Variants in JADE1 observed in about 807,000 individuals in gnomAD.
The protein encoded by JADE1 is jade family PHD finger 1.
In JADE1, 14 loss-of-function variants were observed where a neutral mutation model predicts 81.8. That is an observed-to-expected ratio of 0.17 (90% CI 0.11 to 0.27). The LOEUF (loss-of-function observed/expected upper bound fraction) is 0.27. JADE1 is among the 10% of genes least tolerant of loss of function. The pLI, the probability that JADE1 is intolerant of heterozygous loss-of-function variation, is 1.00. For synonymous variants in JADE1, 353 were observed against 391.9 expected, an observed-to-expected ratio of 0.90 and a Z score of 1.17; for missense variants, 690 against 1,047.9, an observed-to-expected ratio of 0.66 and a Z score of 4.71.
At position 128,818,362 on chromosome 4, in the gene JADE1, G is replaced by A. The variant is rs548552472; in HGVS notation, c.-27+8485G>A. Among the ~76,000 whole-genome samples, 21 of 152,080 alleles carry A rather than the reference G, an allele frequency of 1.4e-4. No homozygotes were observed. In the South Asian group the frequency reaches 4.4e-3, roughly 32 times the overall value. ...TCTCGAACTCTTGACCTCAGGTGATGCACCCGCCTCAGCCTCCCCAAGTGG... is the reference window on the plus strand; with the variant it reads ...TCTCGAACTCTTGACCTCAGGTGATACACCCGCCTCAGCCTCCCCAAGTGG... On this transcript the variant is annotated intron_variant, in intron 1 of 10. Transcript: ENST00000226319.
intron 1 of JADE1, among the ~76,000 whole-genome samples, chr4:128,828,685 C>G (rs570161654): frequency 6.6e-6 from 1 of 152,250 alleles, no homozygotes; most frequent in South Asian, 2.1e-4. Context: ...TGTATTTTGG[C>G]CAATGCTTGC....
At chr4:128,818,987 G>A (rs1056658908) in intron 1 of JADE1, among the ~76,000 whole-genome samples, 1 of 151,914 alleles carries the variant, frequency 6.6e-6, no homozygotes, top group Non-Finnish European at 1.5e-5. Flanking sequence ...CCCACACCAG[G>A]CCTGGCTAGT....
chr4:128,859,060 A>G (rs1458541029), intron 8 of JADE1, among the ~76,000 whole-genome samples: 1 of 152,108 alleles, frequency 6.6e-6, no homozygotes, highest in African/African-American at 2.4e-5. Context: ...AATAGTGGAG[A>G]TATTTTTGGC....
intron 3 of JADE1, among the ~76,000 whole-genome samples, chr4:128,844,936 C>G (rs148232891): frequency 6.6e-6 from 1 of 152,122 alleles, no homozygotes; most frequent in African/African-American, 2.4e-5. Context: ...CAAATATGGA[C>G]CTATTAGCAG....
At chr4:128,852,419 C>T (rs1169686556) in intron 6 of JADE1, 151 bp downstream of exon 6, 8 of 635,352 alleles carry the variant, frequency 1.3e-5, no homozygotes, top group Admixed American at 5.8e-5. Flanking sequence ...TTATTTTTCC[C>T]TAGTAGGTTC....
Position 128,872,567 on chromosome 4 carries a change from C to T in JADE1, c.*305C>T. The T allele has an allele frequency of 3.3e-6, 1 of 306,380 alleles. No individual in the cohort carries two copies. The allele number at this position is 306,380 out of a possible 1,614,324, so 19.0% of individuals were successfully genotyped here. On this transcript the variant is annotated 3_prime_UTR_variant, in exon 11 of 11. Transcript: ENST00000226319. ...TAAAGAAGGCAAGGCTTAAATAAGCCTCATGAATTTTTATAGCCCTCTGCA... is the reference window on the plus strand; with the variant it reads ...TAAAGAAGGCAAGGCTTAAATAAGCTTCATGAATTTTTATAGCCCTCTGCA...
At chr4:128,816,111 T>C (rs1322864515) in intron 1 of JADE1, among the ~76,000 whole-genome samples, 2 of 152,190 alleles carry the variant, frequency 1.3e-5, no homozygotes, top group African/African-American at 4.8e-5. Flanking sequence ...TTTTAATTCC[T>C]GAGACAGGTA....
intron 9 of JADE1, chr4:128,864,409 GTGTTGGGATTACGCCACTGTACCCA>G (rs1291526829): frequency 1.0e-6 from 1 of 977,156 alleles, no homozygotes; most frequent in East Asian, 1.1e-4. Flanking sequence ...GCCTCCCAGA[GTGTTGGGATTACGCCACTGTACCCA>G]GCCTTAGACT....
intron 1 of JADE1, among the ~76,000 whole-genome samples, chr4:128,827,539 G>C (rs1346930494): frequency 6.6e-6 from 1 of 152,184 alleles, no homozygotes; most frequent in Non-Finnish European, 1.5e-5. Context: ...GGGCTTGCTA[G>C]AACAGATGCC....
chr4:128,839,099 A>G (rs1402484589), intron 2 of JADE1, among the ~76,000 whole-genome samples: 1 of 152,232 alleles, frequency 6.6e-6, no homozygotes, highest in Non-Finnish European at 1.5e-5. Context: ...AAAAAAAATT[A>G]TCTACTTTTC....
chr4:128,862,437 G>GT, intron 9 of JADE1: 14 of 1,365,986 alleles, frequency 1.0e-5, no homozygotes, highest in South Asian at 5.7e-5. Flanking sequence ...GCTTCTTTGT[G>GT]GTTTTTTTTT....
At chr4:128,826,723 T>A (rs1728111537) in intron 1 of JADE1, among the ~76,000 whole-genome samples, 1 of 152,166 alleles carries the variant, frequency 6.6e-6, no homozygotes, top group South Asian at 2.1e-4. Flanking sequence ...TATTTCATAT[T>A]TGACTTGAGA....
chr4:128,822,864 A>G (rs1727711639), intron 1 of JADE1, among the ~76,000 whole-genome samples: 1 of 152,232 alleles, frequency 6.6e-6, no homozygotes, highest in Non-Finnish European at 1.5e-5. Context: ...TGTTCTATGA[A>G]TATACAAGCA....
intron 1 of JADE1, among the ~76,000 whole-genome samples, chr4:128,811,570 C>T (rs1283047994): frequency 1.5e-5 from 2 of 133,384 alleles, no homozygotes; most frequent in African/African-American, 2.8e-5. Flanking sequence ...GGGCGGCGGC[C>T]GAGGCGCTGC....
chr4:128,834,570 T>C (rs1354833511), intron 2 of JADE1, among the ~76,000 whole-genome samples: 1 of 147,724 alleles, frequency 6.8e-6, no homozygotes, highest in Non-Finnish European at 1.5e-5. Context: ...GTCTTTGCTC[T>C]GTCGCCCAGG....
intron 1 of JADE1, among the ~76,000 whole-genome samples, chr4:128,826,528 TTG>T (rs1236386625): frequency 1.3e-5 from 2 of 151,632 alleles, no homozygotes; most frequent in Admixed American, 6.6e-5. Context: ...TGGCTAATTT[TTG>T]TGTTTTTTTT....
In JADE1 at chr4:128,872,856, T is replaced by C. The variant is rs1270030437; in HGVS notation, c.*594T>C. The stretch of plus-strand genomic sequence containing the variant: ...AAGAGAATTTTAAAAAAGGTCATTA[T>C]TGAAGAAGCTGAGGGGACAGGGTAG... On this transcript the variant is annotated 3_prime_UTR_variant, in exon 11 of 11. Coordinates refer to ENST00000226319, the MANE Select transcript of JADE1 (RefSeq NM_199320.4). 2.2e-6 allele frequency: 1 copy of C among 452,136 alleles called. No individual in the cohort carries two copies. Among genetic ancestry groups the C allele is most frequent in the Admixed American group, 2.4e-5 (1 of 42,136 alleles). 28.0% of individuals were successfully genotyped at this position (452,136 alleles called of 1,614,324 possible).
At position 128,846,159 on chromosome 4, in the gene JADE1, G is replaced by A. The variant is rs1729859805; in HGVS notation, c.139-216G>A. Among the ~76,000 whole-genome samples, 2 of 152,060 alleles carry A rather than the reference G, an allele frequency of 1.3e-5. No individual in the cohort carries two copies. Among genetic ancestry groups the A allele is most frequent in the Non-Finnish European group, 2.9e-5 (2 of 68,002 alleles). ...TTGTTGTGGACACTATGGACTGAGG[G>A]AGTGAGAGGGCAGTGTTCCCTCAGC... is the stretch of plus-strand genomic sequence containing the variant. On this transcript the variant is annotated intron_variant, in intron 3 of 10. Coordinates refer to ENST00000226319, the MANE Select transcript of JADE1 (RefSeq NM_199320.4). This position sits in a 1 kb window ranked among gnomAD's most constrained non-coding sequence, Gnocchi z 4.0.
intron 9 of JADE1, chr4:128,863,135 T>C: frequency 1.0e-6 from 1 of 985,464 alleles, no homozygotes; most frequent in Non-Finnish European, 1.2e-6. Context: ...CTTTTGTGCC[T>C]CCCCCACTTT....
Sources: allele counts gnomAD v4.1 joint callset (sites outside exome capture counted in the v4.1 genomes callset), GRCh38; gene constraint gnomAD v4.1.1; non-coding constraint Gnocchi (gnomAD v3.1); transcripts MANE v1.5; gene names NCBI Gene and HGNC (gene_info 2026-07-23, HGNC 2026-07-21).